The following CNGB3 variants were observed in gnomAD, a reference collection of about 807,000 sequenced individuals.
CNGB3 encodes the protein cyclic nucleotide-gated channel beta-3.
A neutral mutation model predicts 92.8 loss-of-function variants in CNGB3; 86 were observed. That is an observed-to-expected ratio of 0.93 (90% CI 0.78 to 1.11). The LOEUF (loss-of-function observed/expected upper bound fraction) is 1.11, where lower values mean the gene tolerates loss of function less well. Ranked by LOEUF, CNGB3 falls within the 50% of genes least tolerant of loss-of-function variation. The pLI, the probability that CNGB3 is intolerant of heterozygous loss-of-function variation, is 0.00. For synonymous variants in CNGB3, 333 were observed against 332.7 expected, an observed-to-expected ratio of 1.00 and a Z score of -0.01; for missense variants, 1,026 against 956.8, an observed-to-expected ratio of 1.07 and a Z score of -0.95.
intron 2 of CNGB3, 35 bp downstream of exon 2, chr8:86,739,620 G>GTTT (rs78198409): frequency 1.7e-3 from 2,511 of 1,483,458 alleles, no homozygotes; most frequent in South Asian, 6.0e-3. Flanking sequence ...TCACTTTTTA[G>GTTT]TTTTTTTTTT....
chr8:86,738,611 G>A (rs1825286010), intron 2 of CNGB3, among the ~76,000 whole-genome samples: 1 of 152,070 alleles, frequency 6.6e-6, no homozygotes, highest in Non-Finnish European at 1.5e-5. Flanking sequence ...AGGCCAAGGC[G>A]GGAGGATCAC....
chr8:86,638,711 G>T (rs1034261384), intron 10 of CNGB3, among the ~76,000 whole-genome samples: 4 of 152,032 alleles, frequency 2.6e-5, no homozygotes, highest in Admixed American at 6.6e-5. Flanking sequence ...TTACTGAAAT[G>T]AGAATGTAGG....
intron 10 of CNGB3, among the ~76,000 whole-genome samples, chr8:86,637,114 C>T (rs1014311208): frequency 3.9e-5 from 6 of 152,090 alleles, no homozygotes; most frequent in African/African-American, 1.4e-4. Flanking sequence ...ATTTCAATAC[C>T]TTTGGGTATA....
intron 6 of CNGB3, chr8:86,661,387 T>C: frequency 2.3e-6 from 1 of 430,338 alleles, no homozygotes; most frequent in South Asian, 1.9e-5. Flanking sequence ...TAAGAGTTAA[T>C]TCTCTATCAG....
At chr8:86,727,545 CTACAGA>C (rs1315616614) in intron 2 of CNGB3, among the ~76,000 whole-genome samples, 18 of 151,918 alleles carry the variant, frequency 1.2e-4, no homozygotes, top group Admixed American at 1.1e-3. Context: ...CCCGTCAAGC[CTACAGA>C]TACAATTTCT....
At chr8:86,624,941 G>T (rs1822816659) in intron 13 of CNGB3, among the ~76,000 whole-genome samples, 1 of 152,048 alleles carries the variant, frequency 6.6e-6, no homozygotes, top group South Asian at 2.1e-4. Flanking sequence ...ATAATATCTG[G>T]CTGCTTAAAA....
At chr8:86,654,247 T>C (rs1823460529) in intron 6 of CNGB3, among the ~76,000 whole-genome samples, 185 bp from the exon 7 acceptor site, 1 of 152,170 alleles carries the variant, frequency 6.6e-6, no homozygotes, top group African/African-American at 2.4e-5. Context: ...TATTGCCCTA[T>C]TGTTTGCCAC....
chr8:86,701,713 A>G lies in CNGB3; in HGVS notation c.338+24818T>C, dbSNP rs148829437. On this transcript the variant is annotated intron_variant, in intron 3 of 17. Coordinates refer to ENST00000320005, the MANE Select transcript of CNGB3 (RefSeq NM_019098.5). ...CTTACTGGACAATCACTATTATACT[A>G]TCTCATGGTAGATTTTATTTTGTAA... Among the ~76,000 whole-genome samples, 98 of 152,304 alleles carry G rather than the reference A, an allele frequency of 6.4e-4. 1 individual carries two copies. In the East Asian group the frequency reaches 9.6e-3, roughly 15 times the overall value.
intron 1 of CNGB3, among the ~76,000 whole-genome samples, chr8:86,742,126 G>A (rs372975536): frequency 6.6e-6 from 1 of 152,188 alleles, no homozygotes; most frequent in South Asian, 2.1e-4. Flanking sequence ...ATTGCTGTTA[G>A]TTACAATGTT....
At chr8:86,661,645 T>G in intron 6 of CNGB3, 1 of 839,944 alleles carries the variant, frequency 1.2e-6, no homozygotes, top group South Asian at 1.4e-5. Context: ...TACAGTGATT[T>G]AAGTATTTTA....
intron 9 of CNGB3, 48 bp from the exon 10 acceptor site, chr8:86,643,921 T>C (rs987224850): frequency 6.9e-6 from 11 of 1,586,584 alleles, no homozygotes; most frequent in Non-Finnish European, 9.5e-6. Context: ...GTTTCTGAAA[T>C]ACAGCCTATT....
rs1333723824 is a variant in CNGB3, at chr8:86,575,897, A to G, written c.2337T>C (p.Thr779=). 1 of 1,613,368 alleles carries G rather than the reference A, an allele frequency of 6.2e-7. No homozygotes were observed. Among genetic ancestry groups the G allele is most frequent in the Non-Finnish European group, 8.5e-7 (1 of 1,179,822 alleles). Residue 779 remains threonine (T), a synonymous_variant, in exon 18 of 18, where the codon ACT becomes ACC. Coordinates refer to ENST00000320005, the MANE Select transcript of CNGB3 (RefSeq NM_019098.5). ...SVRRTVLPRG[T]SRQSLIISMA... is the part of the protein sequence containing the mutation. ...TGCTGATAATGAGTGATTGACGAGA[A>G]GTCCCTCTGGGTAAAACTGTCCTTC...
chr8:86,719,834 A>T (rs895896898), intron 3 of CNGB3, among the ~76,000 whole-genome samples: 4 of 152,222 alleles, frequency 2.6e-5, no homozygotes, highest in Middle Eastern at 3.2e-3. Flanking sequence ...GAACCCAGAA[A>T]TAAAGCCAAA....
chr8:86,736,763 C>T (rs1260248639), intron 2 of CNGB3, among the ~76,000 whole-genome samples: 1 of 150,818 alleles, frequency 6.6e-6, no homozygotes, highest in Non-Finnish European at 1.5e-5. Flanking sequence ...AAAAAAAAGG[C>T]AAGACCACAT....
chr8:86,579,402 C>A, intron 15 of CNGB3, 150 bp from the exon 16 acceptor site: 1 of 915,080 alleles, frequency 1.1e-6, no homozygotes, highest in South Asian at 1.4e-5. Context: ...CAGAGAGTGT[C>A]AAGATGTGGG....
chr8:86,652,911 TC>T, intron 7 of CNGB3, among the ~76,000 whole-genome samples: 1 of 152,234 alleles, frequency 6.6e-6, no homozygotes, highest in South Asian at 2.1e-4. Flanking sequence ...ATTGCCATTA[TC>T]CCCAATATTA....
At chr8:86,625,490 T>G (rs1007250976) in intron 13 of CNGB3, among the ~76,000 whole-genome samples, 4 of 152,204 alleles carry the variant, frequency 2.6e-5, no homozygotes, top group African/African-American at 9.6e-5. Flanking sequence ...AAAATTTCTT[T>G]GTTATAATTT....
At chr8:86,582,841 A>T (rs1379350605) in intron 15 of CNGB3, among the ~76,000 whole-genome samples, 1 of 152,216 alleles carries the variant, frequency 6.6e-6, no homozygotes, top group Non-Finnish European at 1.5e-5. Context: ...TTCTTCAGGG[A>T]GAAGGAAAAT....
At chr8:86,671,207 C>G in intron 3 of CNGB3, 109 bp from the exon 4 acceptor site, 1 of 1,260,384 alleles carries the variant, frequency 7.9e-7, no homozygotes, top group Admixed American at 1.7e-5. Flanking sequence ...TTAACTTCCC[C>G]TTTTTTGCAA....
Sources: gnomAD v4.1 joint callset for allele counts (sites outside exome capture counted in the v4.1 genomes callset) on GRCh38, gnomAD v4.1.1 for gene constraint, MANE v1.5 for transcripts, NCBI Gene and HGNC (gene_info 2026-07-23, HGNC 2026-07-21) for gene names.